The following AUTS2 variants were observed in gnomAD, a reference collection of about 807,000 sequenced individuals.
AUTS2 encodes the protein activator of transcription and developmental regulator AUTS2, also known as autism susceptibility gene 2 protein.
AUTS2 carries 17 observed loss-of-function variants against 112.4 expected under a neutral mutation model. The ratio of observed to expected loss-of-function variants is 0.15; its 90% CI spans 0.10 to 0.23. AUTS2 has a LOEUF of 0.23. Ranked by LOEUF, AUTS2 falls within the 10% of genes least tolerant of loss-of-function variation. The probability of loss-of-function intolerance (pLI) is 1.00; values close to 1 mark genes in which losing one functional copy is unlikely to be tolerated. For synonymous variants in AUTS2, 751 were observed against 702.7 expected (o/e 1.07, Z -1.09); for missense variants, 1,510 against 1,701.6 (o/e 0.89, Z 1.98).
intron 1 of AUTS2, among the ~76,000 whole-genome samples, chr7:69,882,150 CAAAA>C (rs57238970): frequency 0.037 from 2,112 of 56,994 alleles, 45 homozygotes; most frequent in African/African-American, 0.12. Context: ...AACTCTGTCT[CAAAA>C]AAAAAAAAAA....
intron 6 of AUTS2, among the ~76,000 whole-genome samples, chr7:70,725,993 G>A (rs1431740661): frequency 1.3e-5 from 2 of 149,568 alleles, no homozygotes; most frequent in South Asian, 2.1e-4. Flanking sequence ...CTGCACTCCA[G>A]CCTGGGGGAC....
rs553812891 is a variant in AUTS2 at position 70,039,503 on chromosome 7, C to T, written c.523-78629C>T. On this transcript the variant is annotated intron_variant, in intron 2 of 18. Transcript: ENST00000342771. ...TCAGCCTCCCTAGTAGCTGGGATTA[C>T]AGGCGCCTGACTAATTTTTGTATTT... Among the ~76,000 whole-genome samples the T allele has an allele frequency of 6.6e-5, 10 of 152,174 alleles. No homozygotes were observed. The South Asian group carries it at 1.9e-3, about 28-fold the overall frequency.
At chr7:70,119,010 A>C (rs1358975421) in intron 3 of AUTS2, 1 of 96,046 alleles carries the variant, frequency 1.0e-5, no homozygotes, top group Admixed American at 1.2e-4. Flanking sequence ...TTTTTTTTTG[A>C]GATGGAGTCT....
At chr7:70,258,998 G>T (rs1186109388) in intron 4 of AUTS2, among the ~76,000 whole-genome samples, 1 of 152,146 alleles carries the variant, frequency 6.6e-6, no homozygotes, top group African/African-American at 2.4e-5. Context: ...GGAGGGTTCG[G>T]TTGTCTCATG....
At chr7:70,715,547 T>C (rs1245873473) in intron 6 of AUTS2, among the ~76,000 whole-genome samples, 22 of 143,300 alleles carry the variant, frequency 1.5e-4, no homozygotes, top group Admixed American at 1.3e-3. Context: ...CTTTTCTTTT[T>C]TTTTAAGATG....
intron 5 of AUTS2, among the ~76,000 whole-genome samples, chr7:70,475,565 A>G (rs937651814): frequency 4.6e-5 from 7 of 152,198 alleles, no homozygotes; most frequent in African/African-American, 1.7e-4. Flanking sequence ...TTTTCCCCAC[A>G]GTGCCTCACA....
intron 2 of AUTS2, among the ~76,000 whole-genome samples, chr7:70,079,793 A>G (rs1266759210): frequency 6.6e-6 from 1 of 152,094 alleles, no homozygotes. Context: ...TTCTGCTGTA[A>G]CAGAACACCG....
At chr7:70,787,137 G>C in intron 17 of AUTS2, 72 bp from the exon 18 acceptor site, 5 of 1,438,946 alleles carry the variant, frequency 3.5e-6, no homozygotes, top group Non-Finnish European at 4.8e-6. Flanking sequence ...AAAGTTTTTT[G>C]GTAAGTACCT....
intron 4 of AUTS2, among the ~76,000 whole-genome samples, chr7:70,236,334 T>C (rs1168954602): frequency 6.6e-6 from 1 of 152,236 alleles, no homozygotes; most frequent in Non-Finnish European, 1.5e-5. Flanking sequence ...GATAGTACAG[T>C]ATTTGTGATT....
intron 4 of AUTS2, among the ~76,000 whole-genome samples, chr7:70,305,541 T>C (rs562289302): frequency 6.6e-6 from 1 of 152,314 alleles, no homozygotes; most frequent in South Asian, 2.1e-4. Context: ...TGGAATTTTA[T>C]TGAATTGAGA....
intron 5 of AUTS2, among the ~76,000 whole-genome samples, chr7:70,614,545 G>C (rs941029922): frequency 6.6e-6 from 1 of 152,148 alleles, no homozygotes; most frequent in South Asian, 2.1e-4. Context: ...TCCTTCCTGC[G>C]GCAGGGATTG....
intron 4 of AUTS2, among the ~76,000 whole-genome samples, chr7:70,406,621 G>C (rs1054083208): frequency 6.6e-6 from 1 of 152,160 alleles, no homozygotes; most frequent in Non-Finnish European, 1.5e-5. Flanking sequence ...GGCTCACGTG[G>C]GTGTATCTAT....
intron 5 of AUTS2, among the ~76,000 whole-genome samples, chr7:70,598,643 ATG>A (rs931701715): frequency 2.0e-5 from 3 of 152,194 alleles, no homozygotes; most frequent in African/African-American, 7.2e-5. Flanking sequence ...CCTCTCAGAA[ATG>A]TTGCCCAAGG....
chr7:69,603,647 G>A (rs567921386), intron 1 of AUTS2, among the ~76,000 whole-genome samples: 21 of 152,300 alleles, frequency 1.4e-4, no homozygotes, highest in South Asian at 1.2e-3. Context: ...AAGAGGGTAG[G>A]CGAGGAGGCT....
chr7:70,126,218 A>G (rs926930031), intron 3 of AUTS2, among the ~76,000 whole-genome samples: 1 of 152,190 alleles, frequency 6.6e-6, no homozygotes, highest in Admixed American at 6.5e-5. Context: ...CAGGAGTTGG[A>G]GATCAGCCTG....
chr7:70,434,880 C>G (rs1255164831), intron 4 of AUTS2, among the ~76,000 whole-genome samples: 7 of 152,216 alleles, frequency 4.6e-5, no homozygotes, highest in African/African-American at 7.2e-5. Flanking sequence ...TTTACTCTAA[C>G]AAAACACATC....
rs142990168 is a variant in AUTS2 at position 69,932,608 on chromosome 7, C to T, written c.522+33110C>T. 1.5e-3 allele frequency among the ~76,000 whole-genome samples: 231 copies of T among 152,282 alleles called. 1 individual carries two copies. Among genetic ancestry groups the T allele is most frequent in the African/African-American group, 4.7e-3 (194 of 41,564 alleles). Reference sequence around the variant, plus strand: ...AGGGCCATTTTATTGGATTATACACCTTAGAACCTTAACACACAGCTTCTG... The same window carrying T: ...AGGGCCATTTTATTGGATTATACACTTTAGAACCTTAACACACAGCTTCTG... On this transcript the variant is annotated intron_variant, in intron 2 of 18. Transcript: ENST00000342771.
intron 5 of AUTS2, among the ~76,000 whole-genome samples, chr7:70,469,931 C>T (rs1305204296): frequency 3.3e-5 from 5 of 152,158 alleles, no homozygotes; most frequent in Admixed American, 1.3e-4. Context: ...TGAGCCACCG[C>T]GCCCAGCCAG....
chr7:70,775,799 G>A (rs1317796094), intron 13 of AUTS2, among the ~76,000 whole-genome samples: 1 of 152,164 alleles, frequency 6.6e-6, no homozygotes, highest in African/African-American at 2.4e-5. Flanking sequence ...TGCCATAGCC[G>A]TTTGACCTCC....
Sources: allele counts gnomAD v4.1 joint callset (sites outside exome capture counted in the v4.1 genomes callset), GRCh38; gene constraint gnomAD v4.1.1; transcripts MANE v1.5; gene names NCBI Gene and HGNC (gene_info 2026-07-23, HGNC 2026-07-21).